HSP90B1: variants seen among roughly 807,000 people sequenced by gnomAD.
The protein encoded by HSP90B1 is heat shock protein 90 beta family member 1, also known as endoplasmin.
HSP90B1 carries 27 observed loss-of-function variants against 100.4 expected under a neutral mutation model. That is an observed-to-expected ratio of 0.27 (90% confidence interval 0.20 to 0.37). HSP90B1 has a LOEUF of 0.37. HSP90B1 is among the 10% of genes least tolerant of loss of function. HSP90B1 has a pLI of 1.00. For synonymous variants in HSP90B1, 304 were observed against 330.8 expected, an observed-to-expected ratio of 0.92 and a Z score of 0.88; for missense variants, 678 against 960.5, an observed-to-expected ratio of 0.71 and a Z score of 3.89.
At position 103,942,751 on chromosome 12, in the gene HSP90B1, A is replaced by C. The variant is rs559401907; in HGVS notation, c.1599A>C (p.Glu533Asp). 1 of 1,613,974 alleles carries C rather than the reference A, an allele frequency of 6.2e-7. No homozygotes were observed. Among genetic ancestry groups the C allele is most frequent in the East Asian group, 2.2e-5 (1 of 44,886 alleles). ...SLDQYVERMK[E>D]KQDKIYFMAG... is the part of the protein sequence containing the mutation. ...ACCAGTATGTGGAAAGAATGAAGGAAAAACAAGACAAAATCTACTTCATGG... is the reference window on the plus strand; with the variant it reads ...ACCAGTATGTGGAAAGAATGAAGGACAAACAAGACAAAATCTACTTCATGG... Residue 533 changes from glutamate to aspartate, a missense_variant, in exon 12 of 18, where the codon GAA (glutamate) becomes GAC (aspartate). By Grantham distance (45) the Glu-to-Asp change is conservative (BLOSUM62 2). Transcript: ENST00000299767.
intron 5 of HSP90B1, 30 bp from the exon 6 acceptor site, chr12:103,937,665 G>C (rs1365898692): frequency 9.7e-7 from 1 of 1,031,082 alleles, no homozygotes; most frequent in Non-Finnish European, 1.5e-6. Context: ...TAAATGTTAG[G>C]TGTCTCTAAA....
chr12:103,942,307 G>A (rs1870102800), intron 11 of HSP90B1, among the ~76,000 whole-genome samples: 1 of 152,150 alleles, frequency 6.6e-6, no homozygotes, highest in African/African-American at 2.4e-5. Flanking sequence ...TGAGTCCTAA[G>A]GTTAGAATAT....
chr12:103,944,986 G>A lies in HSP90B1; in HGVS notation c.2027+1112G>A, dbSNP rs78393105. Among the ~76,000 whole-genome samples the A allele has an allele frequency of 1.8e-4, 28 of 152,270 alleles. No individual in the cohort carries two copies. In the East Asian group the frequency reaches 4.6e-3, roughly 25 times the overall value. On this transcript the variant is annotated intron_variant, in intron 14 of 17. Coordinates refer to ENST00000299767, the MANE Select transcript of HSP90B1 (RefSeq NM_003299.3). Reference sequence around the variant, plus strand: ...TGTTCTGTTTATCTGATATCCCATTGCAATAGTACAAGGGCCATTTAAAAC... The same window carrying A: ...TGTTCTGTTTATCTGATATCCCATTACAATAGTACAAGGGCCATTTAAAAC...
At position 103,943,482 on chromosome 12, in the gene HSP90B1, A is replaced by C; in HGVS notation, c.1890+163A>C. On this transcript the variant is annotated intron_variant, in intron 13 of 17. Coordinates refer to ENST00000299767, the MANE Select transcript of HSP90B1 (RefSeq NM_003299.3). This position sits in a 1 kb window ranked among gnomAD's most constrained non-coding sequence, Gnocchi z 5.3. ...TGGGAGAAAGCTTAAAACTTTCGAC[A>C]ATACTGCTTTGTTAATAACTTGTTA... 1.4e-6 allele frequency: 1 copy of C among 736,840 alleles called. No individual in the cohort carries two copies. The highest frequency in any genetic ancestry group is 2.7e-5 in the East Asian group (1 of 36,636). The allele number at this position is 736,840 out of a possible 1,614,324, so 45.6% of individuals were successfully genotyped here.
intron 16 of HSP90B1, 136 bp downstream of exon 16, chr12:103,947,077 A>T: frequency 9.1e-7 from 1 of 1,099,014 alleles, no homozygotes; most frequent in Non-Finnish European, 1.3e-6. Context: ...AATTTTATTG[A>T]ATGTTTGAAT....
intron 12 of HSP90B1, 92 bp from the exon 13 acceptor site, chr12:103,942,982 G>A: frequency 6.6e-7 from 1 of 1,523,860 alleles, no homozygotes; most frequent in East Asian, 2.3e-5. Context: ...GTAAAATGGA[G>A]TTTTTAATAA....
At chr12:103,933,452 C>T (rs1869822904) in intron 4 of HSP90B1, among the ~76,000 whole-genome samples, 1 of 152,238 alleles carries the variant, frequency 6.6e-6, no homozygotes, top group Non-Finnish European at 1.5e-5. Context: ...CTCTCCTTTA[C>T]AACTCATTGG....
chr12:103,947,021 A>C, intron 16 of HSP90B1, 80 bp downstream of exon 16: 1 of 1,447,004 alleles, frequency 6.9e-7, no homozygotes. Flanking sequence ...CTCATGATTG[A>C]GGGATGTAGC....
chr12:103,946,974 C>T, intron 16 of HSP90B1, 33 bp downstream of exon 16: 1 of 1,591,668 alleles, frequency 6.3e-7, no homozygotes, highest in East Asian at 2.2e-5. Context: ...CAAAGGCTGG[C>T]TGGCTTTCTT....
chr12:103,943,209 G>A lies in HSP90B1; in HGVS notation c.1780G>A (p.Glu594Lys). 1 of 1,614,184 alleles carries A rather than the reference G, an allele frequency of 6.2e-7. No homozygotes were observed. The highest frequency in any genetic ancestry group is 8.5e-7 in the Non-Finnish European group (1 of 1,180,030). ...DGKRFQNVAKEGVKFDESEKT... is the reference protein window; with the variant it reads ...DGKRFQNVAKKGVKFDESEKT... ...GAAGAGGTTCCAGAATGTTGCCAAG[G>A]AAGGAGTGAAGTTCGATGAAAGTGA... Residue 594 changes from glutamate to lysine, a missense_variant, in exon 13 of 18, where the codon GAA becomes AAA. Physicochemically the swap from Glu to Lys is moderately conservative, Grantham distance 56. This residue lies in a region of HSP90B1 where 170 missense variants were observed against 236.7 expected (regional missense o/e 0.72). Transcript: ENST00000299767. The surrounding 1 kb of genome is among the most constrained non-coding windows in gnomAD (Gnocchi z 5.3).
chr12:103,936,301 C>T (rs1410439438), intron 5 of HSP90B1, among the ~76,000 whole-genome samples: 1 of 152,168 alleles, frequency 6.6e-6, no homozygotes, highest in Non-Finnish European at 1.5e-5. Flanking sequence ...TGGTCTGTCA[C>T]ATGTCCCAAC....
At chr12:103,937,646 C>T (rs1458893768) in intron 5 of HSP90B1, 49 bp from the exon 6 acceptor site, 7 of 881,252 alleles carry the variant, frequency 7.9e-6, no homozygotes, top group Non-Finnish European at 1.1e-5. Context: ...AATTTATAAT[C>T]AGATCTTCTA....
rs980836553 is a variant in HSP90B1 at position 103,939,687 on chromosome 12, A to T, written c.1092+62A>T. ...TGAATAGACAAAATATCACCCTCTT[A>T]GTTTAATTGTATATGGTATGTGACC... On this transcript the variant is annotated intron_variant, in intron 8 of 17. Transcript: ENST00000299767. 7.9e-6 allele frequency: 6 copies of T among 759,748 alleles called. No homozygotes were observed. In the African/African-American group the frequency reaches 9.1e-5, roughly 11 times the overall value. 47.1% of individuals were successfully genotyped at this position (759,748 alleles called of 1,614,324 possible). A position where few individuals can be genotyped will look rare whatever the true frequency, so the allele number is the denominator to read the frequency against.
At chr12:103,938,126 G>A (rs11111852) in intron 6 of HSP90B1, 208,737 of 401,256 alleles carry the variant, frequency 0.52, 55,670 homozygotes, top group African/African-American at 0.57. Flanking sequence ...AGCCAAGATC[G>A]CCCCACTGCA....
At chr12:103,941,377 C>T (rs771433970) in intron 8 of HSP90B1, 33 bp from the exon 9 acceptor site, 5 of 1,605,554 alleles carry the variant, frequency 3.1e-6, no homozygotes, top group African/African-American at 1.3e-5. Flanking sequence ...TCTCCTGTGT[C>T]GTTTGAATGA....
intron 17 of HSP90B1, 28 bp from the exon 18 acceptor site, chr12:103,947,605 C>T: frequency 3.8e-6 from 6 of 1,566,372 alleles, no homozygotes; most frequent in East Asian, 4.5e-5. Context: ...CTTTTAATAC[C>T]TTCTGGGTTT....
chr12:103,932,538 A>G (rs2136212507), intron 3 of HSP90B1, 120 bp downstream of exon 3: 1 of 808,236 alleles, frequency 1.2e-6, no homozygotes, highest in Non-Finnish European at 2.0e-6. Flanking sequence ...CAACCTTTAA[A>G]TACCTAATAT....
rs1869771715 is a variant in HSP90B1 at position 103,931,780 on chromosome 12, G to C, written c.152+157G>C. 13 of 675,290 alleles carry C rather than the reference G, an allele frequency of 1.9e-5. No individual in the cohort carries two copies. The Admixed American group carries it at 2.3e-4, about 12-fold the overall frequency. 41.8% of individuals were successfully genotyped at this position (675,290 alleles called of 1,614,324 possible). A position where few individuals can be genotyped will look rare whatever the true frequency, so the allele number is the denominator to read the frequency against. Reference sequence around the variant, plus strand: ...TGTGTGCATACATACCTCCTAACTTGTCCCTAGGAGTGATGAAAACTGAGT... The same window carrying C: ...TGTGTGCATACATACCTCCTAACTTCTCCCTAGGAGTGATGAAAACTGAGT... On this transcript the variant is annotated intron_variant, in intron 2 of 17. Coordinates refer to ENST00000299767, the MANE Select transcript of HSP90B1 (RefSeq NM_003299.3).
At chr12:103,941,779 T>C in intron 10 of HSP90B1, 53 bp from the exon 11 acceptor site, 1 of 1,604,560 alleles carries the variant, frequency 6.2e-7, no homozygotes, top group Non-Finnish European at 8.5e-7. Flanking sequence ...TGTTTGGCTT[T>C]GCTTTCTTCC....
Sources: allele counts gnomAD v4.1 joint callset (sites outside exome capture counted in the v4.1 genomes callset), GRCh38; gene constraint gnomAD v4.1.1; regional missense constraint gnomAD v4.1.1; non-coding constraint Gnocchi (gnomAD v3.1); transcripts MANE v1.5; gene names NCBI Gene and HGNC (gene_info 2026-07-23, HGNC 2026-07-21).